Variants in TAOK3 observed in about 807,000 individuals in gnomAD.
TAOK3 encodes the protein TAO kinase 3.
In TAOK3, 40 loss-of-function variants were observed where a neutral mutation model predicts 120.4. That is an observed-to-expected ratio of 0.33 (90% CI 0.26 to 0.43). TAOK3 has a LOEUF of 0.43. TAOK3 is among the 20% of genes least tolerant of loss of function. The pLI is 1.00. For synonymous variants in TAOK3, 355 were observed against 387.5 expected (o/e 0.92, Z 0.99); for missense variants, 821 against 1,112.1 (o/e 0.74, Z 3.72).
At chr12:118,165,203 G>A (rs1392914728) in intron 17 of TAOK3, among the ~76,000 whole-genome samples, 3 of 151,988 alleles carry the variant, frequency 2.0e-5, no homozygotes, top group African/African-American at 7.3e-5. Context: ...AGCAGTAACT[G>A]GCCCGTAGGT....
intron 20 of TAOK3, 92 bp from the exon 21 acceptor site, chr12:118,151,250 G>GCA: frequency 2.3e-6 from 3 of 1,308,788 alleles, no homozygotes; most frequent in Non-Finnish European, 3.2e-6. Context: ...CATATGACAT[G>GCA]CACACACACA....
chr12:118,233,490 CTG>C (rs1228161652), intron 9 of TAOK3, among the ~76,000 whole-genome samples, 182 bp downstream of exon 9: 16 of 151,944 alleles, frequency 1.1e-4, no homozygotes, highest in African/African-American at 2.9e-4. Flanking sequence ...AGAAAGCAAT[CTG>C]TGTTATGAGT....
At chr12:118,330,830 T>C (rs2044117867) in intron 1 of TAOK3, among the ~76,000 whole-genome samples, 1 of 151,406 alleles carries the variant, frequency 6.6e-6, no homozygotes, top group African/African-American at 2.4e-5. Context: ...CAGTGAACGA[T>C]GATCCTTTGG....
intron 1 of TAOK3, among the ~76,000 whole-genome samples, chr12:118,279,443 T>C (rs1003971626): frequency 7.2e-5 from 11 of 152,226 alleles, no homozygotes; most frequent in South Asian, 2.1e-4. Flanking sequence ...ATTTTTATTT[T>C]TTTTTTGCAA....
intron 1 of TAOK3, among the ~76,000 whole-genome samples, chr12:118,349,046 C>T (rs1489595956): frequency 6.6e-6 from 1 of 151,750 alleles, no homozygotes; most frequent in Admixed American, 6.6e-5. Context: ...TGCTCACCAC[C>T]ACACCCAGCT....
intron 17 of TAOK3, among the ~76,000 whole-genome samples, chr12:118,163,659 T>A (rs1024544382): frequency 6.6e-6 from 1 of 151,800 alleles, no homozygotes; most frequent in Non-Finnish European, 1.5e-5. Flanking sequence ...ATGAATGCTA[T>A]AAAAGGGGTA....
chr12:118,353,479 A>G (rs2045261606), intron 1 of TAOK3, among the ~76,000 whole-genome samples: 1 of 152,014 alleles, frequency 6.6e-6, no homozygotes, highest in Non-Finnish European at 1.5e-5. Flanking sequence ...CAAATCAGAA[A>G]GGGTGTCGAA....
At chr12:118,198,445 G>A (rs1239005816) in intron 13 of TAOK3, 1 of 139,606 alleles carries the variant, frequency 7.2e-6, no homozygotes, top group Non-Finnish European at 1.5e-5. Context: ...GGAGTGCAAT[G>A]GCGCGATCTC....
intron 1 of TAOK3, among the ~76,000 whole-genome samples, chr12:118,364,285 G>A (rs566804813): frequency 1.4e-3 from 214 of 152,230 alleles, no homozygotes; most frequent in Non-Finnish European, 2.6e-3. Flanking sequence ...GTGTATCTAG[G>A]AAGAATGAAA....
In TAOK3 at chr12:118,249,203, T is replaced by C. The variant is rs182271633; in HGVS notation, c.121-4238A>G. Among the ~76,000 whole-genome samples the C allele has an allele frequency of 4.6e-5, 7 of 152,350 alleles. No individual in the cohort carries two copies. In the East Asian group the frequency reaches 1.3e-3, roughly 29 times the overall value. On this transcript the variant is annotated intron_variant, in intron 3 of 20. Transcript: ENST00000392533. ...TTAAGAACTTACTATTATGTGTTTA[T>C]ATTTTTAAACATTTTACAGCTATAC...
intron 19 of TAOK3, among the ~76,000 whole-genome samples, chr12:118,156,729 A>G (rs1039254383): frequency 2.0e-5 from 3 of 148,998 alleles, no homozygotes; most frequent in African/African-American, 7.4e-5. Flanking sequence ...ACCATCATCT[A>G]CTGCTTTATT....
rs1208091903 is a variant in TAOK3, at chr12:118,161,557, A to G, written c.2139+231T>C. ...TCAGAGAAATTCCATAATGGATATG[A>G]TGACAAATTGATAGATAATGTAGTA... On this transcript the variant is annotated intron_variant, in intron 18 of 20. Coordinates refer to ENST00000392533, the MANE Select transcript of TAOK3 (RefSeq NM_016281.4). This position sits in a 1 kb window ranked among gnomAD's most constrained non-coding sequence, Gnocchi z 4.5. Among the ~76,000 whole-genome samples the G allele has an allele frequency of 2.6e-5, 4 of 152,248 alleles. No homozygotes were observed. The highest frequency in any genetic ancestry group is 4.8e-5 in the African/African-American group (2 of 41,470).
At chr12:118,239,903 A>G (rs921589841) in intron 5 of TAOK3, among the ~76,000 whole-genome samples, 5 of 152,186 alleles carry the variant, frequency 3.3e-5, no homozygotes, top group African/African-American at 1.2e-4. Flanking sequence ...GCAGCGGCTC[A>G]CGCCTGTAAT....
chr12:118,255,599 T>C lies in TAOK3; in HGVS notation c.-32A>G, dbSNP rs2040947317. 2 of 1,580,322 alleles carry C rather than the reference T, an allele frequency of 1.3e-6. No individual in the cohort carries two copies. The highest frequency in any genetic ancestry group is 2.3e-5 in the East Asian group (1 of 44,082). On this transcript the variant is annotated 5_prime_UTR_variant, in exon 3 of 21. It adds an upstream start codon to the 5' untranslated region. Coordinates refer to ENST00000392533, the MANE Select transcript of TAOK3 (RefSeq NM_016281.4). ...CAGTAGAGCAGGCTCTGCTTTTTGA[T>C]ATCAGTTAGCTTTATTTCTCATTGA...
Position 118,264,500 on chromosome 12 carries a change from A to G in TAOK3, c.-89+2155T>C, listed in dbSNP as rs142525660. On this transcript the variant is annotated intron_variant, in intron 2 of 20. Transcript: ENST00000392533. ...TGATTTCATTTATATGGAATTCTAG[A>G]AAATGCAAACTAATTTAAAGAGATA... 2.1e-3 allele frequency among the ~76,000 whole-genome samples: 326 copies of G among 152,348 alleles called. 1 individual carries two copies. The highest frequency in any genetic ancestry group is 7.6e-3 in the African/African-American group (316 of 41,570).
intron 1 of TAOK3, among the ~76,000 whole-genome samples, chr12:118,294,185 C>G (rs1022817164): frequency 1.3e-5 from 2 of 151,982 alleles, no homozygotes; most frequent in East Asian, 3.9e-4. Context: ...ATAAAATGTA[C>G]AACCTGATGA....
At chr12:118,237,577 C>A (rs1366411934) in intron 7 of TAOK3, among the ~76,000 whole-genome samples, 1 of 152,024 alleles carries the variant, frequency 6.6e-6, no homozygotes, top group Non-Finnish European at 1.5e-5. Flanking sequence ...TCTTTCTGAG[C>A]CCTGGTCTCT....
chr12:118,244,300 C>T (rs879612766), intron 4 of TAOK3, among the ~76,000 whole-genome samples: 9 of 151,300 alleles, frequency 5.9e-5, no homozygotes, highest in African/African-American at 2.2e-4. Flanking sequence ...TGGGCTCAAG[C>T]GATCCTCCAG....
intron 2 of TAOK3, among the ~76,000 whole-genome samples, chr12:118,257,622 C>G (rs2041046149): frequency 6.6e-6 from 1 of 151,772 alleles, no homozygotes; most frequent in Admixed American, 6.6e-5. Context: ...GCCAATAAAA[C>G]TATTTTTCAA....
Sources: allele counts gnomAD v4.1 joint callset (sites outside exome capture counted in the v4.1 genomes callset), GRCh38; gene constraint gnomAD v4.1.1; non-coding constraint Gnocchi (gnomAD v3.1); transcripts MANE v1.5; gene names NCBI Gene and HGNC (gene_info 2026-07-23, HGNC 2026-07-21).